Variants in USP37 observed in about 807,000 individuals in gnomAD.
USP37 encodes ubiquitin specific peptidase 37, also known as ubiquitin carboxyl-terminal hydrolase 37.
Under a neutral mutation model 124.0 loss-of-function variants are expected in USP37, and 27 were observed. The ratio of observed to expected loss-of-function variants is 0.22; its 90% CI spans 0.16 to 0.30. USP37 has a LOEUF of 0.30. Among genes scored for constraint, USP37 ranks in the 10% least tolerant of loss-of-function variants. The pLI is 1.00. For missense variants in USP37, 889 were observed against 1,140.4 expected (o/e 0.78, Z 3.17); for synonymous variants, 365 against 388.0 (o/e 0.94, Z 0.70).
chr2:218,452,738 T>C lies in USP37; in HGVS notation c.*2192A>G, dbSNP rs552424878. On this transcript the variant is annotated 3_prime_UTR_variant, in exon 26 of 26. Coordinates refer to ENST00000258399, the MANE Select transcript of USP37 (RefSeq NM_020935.3). ...TGCTTCATGAGGCAATCTAGACTTA[T>C]GGCATTATTTCTACTTTTCTCCATG... The C allele has an allele frequency of 7.9e-5, 12 of 152,376 alleles. No homozygotes were observed. Among genetic ancestry groups the C allele is most frequent in the African/African-American group, 2.6e-4 (11 of 41,592 alleles). 9.4% of individuals were successfully genotyped at this position (152,376 alleles called of 1,614,324 possible). A position where few individuals can be genotyped will look rare whatever the true frequency, so the allele number is the denominator to read the frequency against.
chr2:218,538,419 G>C (rs576094353), intron 8 of USP37, among the ~76,000 whole-genome samples: 3 of 152,316 alleles, frequency 2.0e-5, no homozygotes, highest in Admixed American at 6.5e-5. Context: ...AGACTTATGG[G>C]AGTATGTACA....
At chr2:218,553,840 C>T (rs2106052629) in intron 4 of USP37, 116 bp from the exon 5 acceptor site, 1 of 1,067,540 alleles carries the variant, frequency 9.4e-7, no homozygotes, top group Non-Finnish European at 1.3e-6. Flanking sequence ...CTCTTCCCCA[C>T]AGTAATTTAA....
At chr2:218,566,035 C>G (rs904750884) in intron 1 of USP37, among the ~76,000 whole-genome samples, 1 of 151,940 alleles carries the variant, frequency 6.6e-6, no homozygotes, top group Non-Finnish European at 1.5e-5. Context: ...GGCAACAGAG[C>G]AAAAACTCCA....
intron 13 of USP37, 80 bp from the exon 14 acceptor site, chr2:218,496,030 A>G: frequency 7.1e-7 from 1 of 1,408,036 alleles, no homozygotes; most frequent in Non-Finnish European, 9.6e-7. Flanking sequence ...GTTGTGCCTC[A>G]TACCTGTAAT....
Position 218,555,026 on chromosome 2 carries a change from A to G in USP37, c.157-1302T>C, listed in dbSNP as rs914157206. Among the ~76,000 whole-genome samples the G allele has an allele frequency of 6.8e-4, 104 of 152,340 alleles. 1 individual carries two copies. The highest frequency in any genetic ancestry group is 8.7e-4 in the Non-Finnish European group (59 of 68,024). On this transcript the variant is annotated intron_variant, in intron 4 of 25. Coordinates refer to ENST00000258399, the MANE Select transcript of USP37 (RefSeq NM_020935.3). ...CTTAACTTACTTCTCTCTCCACAGAACTGGTTCAATAATTCATCTTAGACT... is the reference window on the plus strand; with the variant it reads ...CTTAACTTACTTCTCTCTCCACAGAGCTGGTTCAATAATTCATCTTAGACT...
chr2:218,477,054 A>C (rs1157670473), intron 18 of USP37, 73 bp from the exon 19 acceptor site: 11 of 1,401,992 alleles, frequency 7.8e-6, no homozygotes, highest in Non-Finnish European at 8.4e-6. Context: ...AAAAATATCA[A>C]AACAAATTGC....
intron 4 of USP37, among the ~76,000 whole-genome samples, chr2:218,555,666 T>A (rs1368588693): frequency 1.3e-5 from 2 of 152,184 alleles, no homozygotes; most frequent in African/African-American, 4.8e-5. Flanking sequence ...AGCCCCACAA[T>A]TTCAGTAACT....
chr2:218,497,660 C>A (rs1689151601), intron 13 of USP37, 74 bp downstream of exon 13: 5 of 1,583,694 alleles, frequency 3.2e-6, no homozygotes, highest in Non-Finnish European at 4.3e-6. Context: ...ACCTAGGCCT[C>A]CCAAAGTGCT....
intron 11 of USP37, among the ~76,000 whole-genome samples, chr2:218,508,742 A>G (rs1294522252): frequency 6.6e-6 from 1 of 152,204 alleles, no homozygotes; most frequent in Non-Finnish European, 1.5e-5. Context: ...GAAAAGATGA[A>G]GATTAAAGAA....
intron 11 of USP37, chr2:218,498,530 C>G (rs377198499): frequency 1.3e-5 from 2 of 154,608 alleles, no homozygotes; most frequent in African/African-American, 4.8e-5. Context: ...TAGTTTGAGA[C>G]CAGCCTGGCC....
In USP37 at chr2:218,553,683, T is replaced by A. The variant is rs1301112894; in HGVS notation, c.198A>T (p.Gly66=). Residue 66 remains glycine (G), a synonymous_variant, in exon 5 of 26, where the codon GGA becomes GGT. Coordinates refer to ENST00000258399, the MANE Select transcript of USP37 (RefSeq NM_020935.3). Reference sequence around the variant, plus strand: ...TTAACATTAGGCGGCTTTGTTTCGCTCCACTGGGTCGAAGCACCACATTTT... The same window carrying A: ...TTAACATTAGGCGGCTTTGTTTCGCACCACTGGGTCGAAGCACCACATTTT... ...NIKNVVLRPS[G]AKQSRLMLTL... The A allele has an allele frequency of 6.2e-7, 1 of 1,613,470 alleles. No individual in the cohort carries two copies. The highest frequency in any genetic ancestry group is 8.5e-7 in the Non-Finnish European group (1 of 1,179,722).
chr2:218,567,656 TATC>T (rs1234394852), intron 1 of USP37, among the ~76,000 whole-genome samples: 2 of 152,236 alleles, frequency 1.3e-5, no homozygotes, highest in Non-Finnish European at 2.9e-5. Flanking sequence ...CACAGGATTT[TATC>T]ATCAATCATC....
chr2:218,533,201 C>T (rs1289549585), intron 9 of USP37, among the ~76,000 whole-genome samples: 2 of 152,078 alleles, frequency 1.3e-5, no homozygotes, highest in Non-Finnish European at 2.9e-5. Context: ...CCAAGTTCCA[C>T]AAGTTGTACT....
In USP37 at chr2:218,553,727, A is replaced by G; in HGVS notation, c.157-3T>C. On this transcript the variant is annotated splice_polypyrimidine_tract_variant and splice_region_variant and intron_variant, in intron 4 of 25. Coordinates refer to ENST00000258399, the MANE Select transcript of USP37 (RefSeq NM_020935.3). ...ACATTTTTAATGTTATGACTTAGCTAATCAAGACAAAAGGAAAATTATCAT... is the reference window on the plus strand; with the variant it reads ...ACATTTTTAATGTTATGACTTAGCTGATCAAGACAAAAGGAAAATTATCAT... The G allele has an allele frequency of 6.3e-7, 1 of 1,599,380 alleles. No homozygotes were observed.
intron 10 of USP37, among the ~76,000 whole-genome samples, chr2:218,510,741 C>G (rs1468150469): frequency 6.6e-6 from 1 of 152,006 alleles, no homozygotes; most frequent in African/African-American, 2.4e-5. Flanking sequence ...GCCTGTAAGC[C>G]CAGTACTTTG....
At chr2:218,534,556 TAATA>T in intron 9 of USP37, 49 bp downstream of exon 9, 1 of 1,075,388 alleles carries the variant, frequency 9.3e-7, no homozygotes, top group Non-Finnish European at 1.3e-6. Flanking sequence ...ATTTCTAATC[TAATA>T]AATATATAAT....
At chr2:218,550,482 A>G (rs1422541615) in intron 5 of USP37, among the ~76,000 whole-genome samples, 1 of 152,144 alleles carries the variant, frequency 6.6e-6, no homozygotes, top group African/African-American at 2.4e-5. Context: ...TGACCATTTG[A>G]AATGTTTTAA....
At chr2:218,485,611 A>T in intron 16 of USP37, 53 bp downstream of exon 16, 1 of 1,491,654 alleles carries the variant, frequency 6.7e-7, no homozygotes, top group South Asian at 1.3e-5. Flanking sequence ...AATTAAATGT[A>T]CCTGGGAATT....
intron 11 of USP37, 23 bp from the exon 12 acceptor site, chr2:218,498,180 T>C: frequency 1.3e-6 from 2 of 1,566,168 alleles, no homozygotes; most frequent in South Asian, 1.2e-5. Flanking sequence ...GAAATAGTGC[T>C]TTAGAAGGCA....
Sources: gnomAD v4.1 joint callset for allele counts (sites outside exome capture counted in the v4.1 genomes callset) on GRCh38, gnomAD v4.1.1 for gene constraint, MANE v1.5 for transcripts, NCBI Gene and HGNC (gene_info 2026-07-23, HGNC 2026-07-21) for gene names.